GRAMD1B: variants seen among roughly 807,000 people sequenced by gnomAD.
The protein encoded by GRAMD1B is protein Aster-B.
GRAMD1B carries 37 observed loss-of-function variants against 99.7 expected under a neutral mutation model. That is an observed-to-expected ratio of 0.37 (90% CI 0.29 to 0.49). The LOEUF (loss-of-function observed/expected upper bound fraction) is 0.49, where lower values mean the gene tolerates loss of function less well. GRAMD1B is among the 20% of genes least tolerant of loss of function. The pLI is 0.98. For missense variants in GRAMD1B, 888 were observed against 1,009.2 expected, an observed-to-expected ratio of 0.88 and a Z score of 1.63; for synonymous variants, 427 against 387.6, an observed-to-expected ratio of 1.10 and a Z score of -1.19.
intron 1 of GRAMD1B, among the ~76,000 whole-genome samples, chr11:123,424,827 C>A (rs1392476272): frequency 6.6e-6 from 1 of 152,202 alleles, no homozygotes; most frequent in African/African-American, 2.4e-5. Flanking sequence ...TGCTCCAATG[C>A]ACCATGTGTA....
chr11:123,606,692 G>T lies in GRAMD1B; in HGVS notation c.1407G>T (p.Gly469=). 6.2e-7 allele frequency: 1 copy of T among 1,613,568 alleles called. No homozygotes were observed. The highest frequency in any genetic ancestry group is 8.5e-7 in the Non-Finnish European group (1 of 1,179,716). ...EKELAIDNIM[G]EKIEMIAPVN... ...AGCTCGCCATTGACAACATCATGGG[G>T]GAGAAGATTGAGATGATCGCTCCTG... The change falls in exon 11 of 20, where the codon GGG becomes GGT. Residue 469 remains glycine, a synonymous_variant. Coordinates refer to ENST00000635736, the MANE Select transcript of GRAMD1B (RefSeq NM_001387025.1).
Position 123,627,461 on chromosome 11 carries a change from G to GATC in GRAMD1B, c.*4866_*4867insATC, listed in dbSNP as rs1394379648. On this transcript the variant is annotated 3_prime_UTR_variant, in exon 20 of 20. Coordinates refer to ENST00000635736, the MANE Select transcript of GRAMD1B (RefSeq NM_001387025.1). ...CCTAGACTCCAAGGTGGGGAGGGATGGGTCAGAGGCCATAGTGGCCCCTGG... is the reference window on the plus strand; with the variant it reads ...CCTAGACTCCAAGGTGGGGAGGGATGATCGGTCAGAGGCCATAGTGGCCCCTGG... The GATC allele has an allele frequency of 6.6e-6, 1 of 152,354 alleles. No individual in the cohort carries two copies. Among genetic ancestry groups the GATC allele is most frequent in the East Asian group, 1.9e-4 (1 of 5,198 alleles). The allele number at this position is 152,354 out of a possible 1,614,324, so 9.4% of individuals were successfully genotyped here.
intron 1 of GRAMD1B, among the ~76,000 whole-genome samples, chr11:123,437,067 T>C (rs920076336): frequency 3.3e-5 from 5 of 152,200 alleles, no homozygotes; most frequent in Admixed American, 3.3e-4. Context: ...TCCGTGTCCC[T>C]ACAAAGGACA....
intron 1 of GRAMD1B, among the ~76,000 whole-genome samples, chr11:123,438,338 C>T (rs903357936): frequency 5.9e-5 from 9 of 152,126 alleles, no homozygotes; most frequent in Non-Finnish European, 1.0e-4. Context: ...ACTGCCCTAT[C>T]CCCCCAGGGC....
intron 3 of GRAMD1B, chr11:123,578,445 G>A (rs1201222844): frequency 1.3e-6 from 2 of 1,519,222 alleles, no homozygotes; most frequent in Middle Eastern, 1.7e-4. Flanking sequence ...GCCATCTTTT[G>A]TCTCTGTCCT....
intron 1 of GRAMD1B, among the ~76,000 whole-genome samples, chr11:123,363,555 A>C (rs1184626525): frequency 6.7e-6 from 1 of 149,976 alleles, no homozygotes; most frequent in Non-Finnish European, 1.5e-5. Flanking sequence ...TTCCCCTCTC[A>C]TACTCTCTCT....
At chr11:123,527,287 C>T (rs1942884148) in intron 2 of GRAMD1B, among the ~76,000 whole-genome samples, 1 of 152,204 alleles carries the variant, frequency 6.6e-6, no homozygotes, top group Non-Finnish European at 1.5e-5. Context: ...CTCTGGGCCA[C>T]ATTTGGCCTT....
At chr11:123,462,890 TTAAAA>T (rs1483226143) in intron 1 of GRAMD1B, among the ~76,000 whole-genome samples, 19 of 123,114 alleles carry the variant, frequency 1.5e-4, no homozygotes, top group South Asian at 7.8e-4. Flanking sequence ...AAAAAATAAA[TTAAAA>T]AAAAAAAAAA....
intron 1 of GRAMD1B, among the ~76,000 whole-genome samples, chr11:123,424,999 G>A (rs2136057785): frequency 6.6e-6 from 1 of 152,234 alleles, no homozygotes; most frequent in South Asian, 2.1e-4. Flanking sequence ...CATAACAAAG[G>A]CTAACATTTA....
chr11:123,525,864 G>C, intron 2 of GRAMD1B: 2 of 499,428 alleles, frequency 4.0e-6, no homozygotes, highest in South Asian at 4.8e-5. Context: ...AACTGGCAGC[G>C]GCAGCCACAG....
At chr11:123,560,070 C>CG (rs925324578) in intron 2 of GRAMD1B, among the ~76,000 whole-genome samples, 21 of 150,884 alleles carry the variant, frequency 1.4e-4, no homozygotes, top group African/African-American at 4.5e-4. Context: ...AAATAACCCC[C>CG]CCCCCCGCAG....
At chr11:123,459,236 A>T (rs1388768921) in intron 1 of GRAMD1B, 7 of 147,936 alleles carry the variant, frequency 4.7e-5, no homozygotes, top group African/African-American at 1.8e-4. Flanking sequence ...GATCATGGGA[A>T]AATCTTCATG....
chr11:123,592,855 A>G (rs1262229284), intron 4 of GRAMD1B, among the ~76,000 whole-genome samples: 2 of 151,992 alleles, frequency 1.3e-5, no homozygotes, highest in Non-Finnish European at 1.5e-5. Flanking sequence ...ACTTGATTTC[A>G]TCTGTCACCC....
At chr11:123,513,601 C>CT (rs1591772451) in intron 2 of GRAMD1B, among the ~76,000 whole-genome samples, 159 of 37,360 alleles carry the variant, frequency 4.3e-3, no homozygotes, top group African/African-American at 0.011. Flanking sequence ...TTCCTTCCTT[C>CT]CTTCCTTCCT....
chr11:123,523,789 T>C (rs1295770985), intron 2 of GRAMD1B, among the ~76,000 whole-genome samples: 1 of 152,196 alleles, frequency 6.6e-6, no homozygotes, highest in African/African-American at 2.4e-5. Flanking sequence ...AGGACAACTC[T>C]TTGTACTTCT....
At chr11:123,382,623 T>C (rs1051753724) in intron 1 of GRAMD1B, among the ~76,000 whole-genome samples, 1 of 152,170 alleles carries the variant, frequency 6.6e-6, no homozygotes, top group Non-Finnish European at 1.5e-5. Context: ...GACTATGTTA[T>C]GCGTTTGTGA....
chr11:123,485,705 T>C (rs546692583), intron 2 of GRAMD1B, among the ~76,000 whole-genome samples: 1 of 150,904 alleles, frequency 6.6e-6, no homozygotes, highest in African/African-American at 2.4e-5. Flanking sequence ...ATATAGGACA[T>C]TAATTCATTC....
intron 1 of GRAMD1B, among the ~76,000 whole-genome samples, chr11:123,434,230 C>CAAAA (rs33942028): frequency 2.7e-5 from 2 of 73,018 alleles, no homozygotes; most frequent in African/African-American, 5.4e-5. Flanking sequence ...ACTCCGTTTC[C>CAAAA]AAAAAAAAAA....
intron 2 of GRAMD1B, among the ~76,000 whole-genome samples, chr11:123,553,129 C>A (rs1010052823): frequency 2.6e-5 from 4 of 152,296 alleles, no homozygotes; most frequent in Admixed American, 2.6e-4. Flanking sequence ...TGTAAAAACT[C>A]TCAGATGATT....
Sources: allele counts gnomAD v4.1 joint callset (sites outside exome capture counted in the v4.1 genomes callset), GRCh38; gene constraint gnomAD v4.1.1; transcripts MANE v1.5; gene names NCBI Gene and HGNC (gene_info 2026-07-23, HGNC 2026-07-21).